MAST1: variants seen among roughly 807,000 people sequenced by gnomAD.
The protein encoded by MAST1 is microtubule associated serine/threonine kinase 1, also known as microtubule-associated serine/threonine-protein kinase 1.
A neutral mutation model predicts 124.6 loss-of-function variants in MAST1; 40 were observed. The observed-to-expected ratio is 0.32, with a 90% CI of 0.25 to 0.42. MAST1 has a LOEUF of 0.42. Among genes scored for constraint, MAST1 ranks in the 10% least tolerant of loss-of-function variants. MAST1 has a pLI of 1.00. For synonymous variants in MAST1, 938 were observed against 939.4 expected (o/e 1.00, Z 0.03); for missense variants, 1,558 against 2,181.9 (o/e 0.71, Z 5.70).
At chr19:12,867,291 G>T (rs987226720) in intron 18 of MAST1, among the ~76,000 whole-genome samples, 183 bp from the exon 19 acceptor site, 1 of 152,102 alleles carries the variant, frequency 6.6e-6, no homozygotes, top group Non-Finnish European at 1.5e-5. Flanking sequence ...AAAACGCAGT[G>T]CCTAACTTTG....
At chr19:12,842,204 C>T (rs1969838389) in intron 3 of MAST1, among the ~76,000 whole-genome samples, 1 of 151,916 alleles carries the variant, frequency 6.6e-6, no homozygotes, top group Non-Finnish European at 1.5e-5. Flanking sequence ...AGCGTGCAAT[C>T]TGTGTGTGGG....
rs1472881350 is a variant in MAST1, at chr19:12,843,164, GAGA to G, written c.249-361_249-359del. ...GGGGTGGGACGGGTCTTTTTTCTCT[GAGA>G]AGATCCAAGGGTCTCCCTCAGAGCT... On this transcript the variant is annotated intron_variant, in intron 3 of 25. Coordinates refer to ENST00000251472, the MANE Select transcript of MAST1 (RefSeq NM_014975.3). This position sits in a 1 kb window ranked among gnomAD's most constrained non-coding sequence, Gnocchi z 4.9. Among the ~76,000 whole-genome samples the G allele has an allele frequency of 6.6e-6, 1 of 151,312 alleles. No individual in the cohort carries two copies. Among genetic ancestry groups the G allele is most frequent in the Non-Finnish European group, 1.5e-5 (1 of 67,926 alleles).
chr19:12,858,472 G>C, intron 11 of MAST1, 31 bp downstream of exon 11: 1 of 1,612,374 alleles, frequency 6.2e-7, no homozygotes, highest in Non-Finnish European at 8.5e-7. Flanking sequence ...GCGGGGGGAG[G>C]GTGGCGGAGG....
intron 12 of MAST1, among the ~76,000 whole-genome samples, chr19:12,860,120 C>CT (rs1171650953): frequency 2.0e-5 from 3 of 151,536 alleles, no homozygotes; most frequent in Admixed American, 1.3e-4. Flanking sequence ...ACCTATTTTT[C>CT]TTTTTTTTGG....
intron 12 of MAST1, among the ~76,000 whole-genome samples, chr19:12,861,080 A>T (rs551490139): frequency 2.0e-5 from 3 of 152,008 alleles, no homozygotes; most frequent in Admixed American, 6.6e-5. Context: ...TTATTTATTT[A>T]TTTATGGAGT....
At chr19:12,850,659 T>C (rs1236503574) in intron 7 of MAST1, among the ~76,000 whole-genome samples, 1 of 152,068 alleles carries the variant, frequency 6.6e-6, no homozygotes, top group Admixed American at 6.6e-5. Context: ...GGTGCATACT[T>C]TTTTTTGGCT....
At chr19:12,839,883 G>A (rs1016320434) in intron 1 of MAST1, among the ~76,000 whole-genome samples, 3 of 152,010 alleles carry the variant, frequency 2.0e-5, no homozygotes, top group African/African-American at 4.8e-5. Flanking sequence ...CACTCCAGCC[G>A]GGCGACAGAG....
At chr19:12,860,539 G>A (rs183651939) in intron 12 of MAST1, among the ~76,000 whole-genome samples, 1 of 146,892 alleles carries the variant, frequency 6.8e-6, no homozygotes, top group East Asian at 2.0e-4. Flanking sequence ...CCACCTTCCA[G>A]GTTCAAGTGA....
Position 12,869,193 on chromosome 19 carries a change from C to T in MAST1, c.2901C>T (p.Pro967=), listed in dbSNP as rs1413604908. The T allele has an allele frequency of 1.2e-6, 2 of 1,614,190 alleles. No homozygotes were observed. The highest frequency in any genetic ancestry group is 1.1e-5 in the South Asian group (1 of 91,086). ...YSPAVSGLRS[P]ITIQRSGKKY... ...CAGCTGTCAGTGGGCTCCGCTCCCC[C>T]ATCACCATCCAGCGCTCGGGCAAGA... The change falls in exon 22 of 26, where the codon CCC becomes CCT. Residue 967 remains proline, a synonymous_variant. Transcript: ENST00000251472.
Position 12,868,111 on chromosome 19 carries a change from T to TTTTTTTTTTTTTTTTTTC in MAST1, c.2566+149_2566+150insTTCTTTTTTTTTTTTTTT, listed in dbSNP as rs1170001880. ...TCACATTGCAATTTGGGATTTTTTT[T>TTTTTTTTTTTTTTTTTTC]TTTTTTTTTTTTTTTGAGACAGAGT... On this transcript the variant is annotated intron_variant, in intron 20 of 25. Coordinates refer to ENST00000251472, the MANE Select transcript of MAST1 (RefSeq NM_014975.3). 5 of 883,516 alleles carry TTTTTTTTTTTTTTTTTTC rather than the reference T, an allele frequency of 5.7e-6. No homozygotes were observed. The East Asian group carries it at 1.9e-4, about 33-fold the overall frequency. 54.7% of individuals were successfully genotyped at this position (883,516 alleles called of 1,614,324 possible).
intron 2 of MAST1, 133 bp downstream of exon 2, chr19:12,840,667 G>A: frequency 1.4e-6 from 1 of 702,102 alleles, no homozygotes. Flanking sequence ...TAAGGGGCGG[G>A]GCCATGCTTG....
At chr19:12,858,309 C>T (rs1395133513) in intron 10 of MAST1, 53 bp from the exon 11 acceptor site, 1 of 1,462,552 alleles carries the variant, frequency 6.8e-7, no homozygotes, top group Non-Finnish European at 9.4e-7. Flanking sequence ...AAATTAAAAG[C>T]ATCCTGCTCT....
At chr19:12,868,050 A>G in intron 20 of MAST1, 73 bp downstream of exon 20, 4 of 1,441,222 alleles carry the variant, frequency 2.8e-6, no homozygotes, top group Admixed American at 2.7e-5. Flanking sequence ...GCATCCCACG[A>G]GCCTGGTGCT....
chr19:12,851,354 C>T (rs1488060055), intron 7 of MAST1, among the ~76,000 whole-genome samples: 1 of 152,024 alleles, frequency 6.6e-6, no homozygotes, highest in Non-Finnish European at 1.5e-5. Flanking sequence ...GCCTTAGCCC[C>T]CTGGGCTCAA....
At chr19:12,846,481 G>T (rs1039559120) in intron 4 of MAST1, among the ~76,000 whole-genome samples, 2 of 151,972 alleles carry the variant, frequency 1.3e-5, no homozygotes, top group African/African-American at 4.8e-5. Context: ...AAATTTGAAG[G>T]ATGAGAAGGA....
chr19:12,863,519 A>C (rs564772820), intron 12 of MAST1, among the ~76,000 whole-genome samples: 12 of 152,206 alleles, frequency 7.9e-5, no homozygotes, highest in Non-Finnish European at 1.5e-4. Flanking sequence ...TGCTCAAACC[A>C]TTCCATCAGG....
chr19:12,842,064 T>C (rs931465947), intron 3 of MAST1, among the ~76,000 whole-genome samples: 1 of 152,166 alleles, frequency 6.6e-6, no homozygotes, highest in Non-Finnish European at 1.5e-5. Context: ...TGTGTGATTG[T>C]CACTGTGTGA....
intron 12 of MAST1, among the ~76,000 whole-genome samples, chr19:12,862,422 A>G (rs1272082163): frequency 6.6e-6 from 1 of 152,158 alleles, no homozygotes; most frequent in African/African-American, 2.4e-5. Context: ...CTCCAAAAGT[A>G]GCTGAAACTA....
chr19:12,862,887 G>A (rs188343966), intron 12 of MAST1, among the ~76,000 whole-genome samples: 424 of 151,772 alleles, frequency 2.8e-3, no homozygotes, highest in Middle Eastern at 0.01. Flanking sequence ...GGCTGGTCTC[G>A]AACTCCCAAC....
Sources: gnomAD v4.1 joint callset for allele counts (sites outside exome capture counted in the v4.1 genomes callset) on GRCh38, gnomAD v4.1.1 for gene constraint, Gnocchi (gnomAD v3.1) non-coding constraint, MANE v1.5 for transcripts, NCBI Gene and HGNC (gene_info 2026-07-23, HGNC 2026-07-21) for gene names.